The following PCBP3 variants were observed in gnomAD, a reference collection of about 807,000 sequenced individuals.
PCBP3 encodes poly(rC) binding protein 3.
A neutral mutation model predicts 52.7 loss-of-function variants in PCBP3; 25 were observed. The ratio of observed to expected loss-of-function variants is 0.47; its 90% CI spans 0.35 to 0.66. The LOEUF is 0.66. PCBP3 is among the 30% of genes least tolerant of loss of function. PCBP3 has a pLI of 0.01. For synonymous variants in PCBP3, 162 were observed against 183.0 expected (o/e 0.89, Z 0.93); for missense variants, 391 against 490.3 (o/e 0.80, Z 1.91).
At chr21:45,937,684 C>T (rs1410851508) in intron 16 of PCBP3, among the ~76,000 whole-genome samples, 2 of 152,248 alleles carry the variant, frequency 1.3e-5, no homozygotes, top group Non-Finnish European at 2.9e-5. Flanking sequence ...AGTCTGCTAA[C>T]TGCTGGCAGG....
chr21:45,804,584 C>T (rs1223027593), intron 4 of PCBP3, among the ~76,000 whole-genome samples: 1 of 152,058 alleles, frequency 6.6e-6, no homozygotes, highest in Admixed American at 6.5e-5. Flanking sequence ...CCCTGAGTGT[C>T]CCTTGGTCCA....
At chr21:45,831,571 G>A (rs547746998) in intron 4 of PCBP3, among the ~76,000 whole-genome samples, 3 of 152,282 alleles carry the variant, frequency 2.0e-5, no homozygotes, top group South Asian at 2.1e-4. Flanking sequence ...AACCTGAATT[G>A]TGCTGTATTC....
Position 45,867,393 on chromosome 21 carries a change from G to A in PCBP3, c.10+17298G>A, listed in dbSNP as rs559517648. ...CGGATGACCCGAAAGACTTCCCGATGGTAGTCACCAGCATACAGGACCTGA... is the reference window on the plus strand; with the variant it reads ...CGGATGACCCGAAAGACTTCCCGATAGTAGTCACCAGCATACAGGACCTGA... On this transcript the variant is annotated intron_variant, in intron 5 of 17. Coordinates refer to ENST00000681687, the MANE Select transcript of PCBP3 (RefSeq NM_001384156.1). 1.1e-4 allele frequency among the ~76,000 whole-genome samples: 17 copies of A among 152,348 alleles called. No homozygotes were observed. The South Asian group carries it at 1.9e-3, about 17-fold the overall frequency.
chr21:45,787,071 G>C (rs1220056390), intron 4 of PCBP3, among the ~76,000 whole-genome samples: 1 of 152,166 alleles, frequency 6.6e-6, no homozygotes, highest in Non-Finnish European at 1.5e-5. Flanking sequence ...AATAGTGCCT[G>C]CTTTTTAATC....
chr21:45,727,035 C>T (rs1179870676), intron 2 of PCBP3, among the ~76,000 whole-genome samples: 1 of 152,128 alleles, frequency 6.6e-6, no homozygotes, highest in African/African-American at 2.4e-5. Context: ...TGGTAACCTC[C>T]AACATCAGTT....
intron 2 of PCBP3, among the ~76,000 whole-genome samples, chr21:45,728,152 G>C (rs1039652177): frequency 6.6e-6 from 1 of 152,056 alleles, no homozygotes; most frequent in Non-Finnish European, 1.5e-5. Context: ...TGGAGGGTAC[G>C]GTCTAACTTT....
At chr21:45,828,756 C>T in intron 4 of PCBP3, 1 of 152,820 alleles carries the variant, frequency 6.5e-6, no homozygotes, top group Non-Finnish European at 1.5e-5. Flanking sequence ...GGGAAGTGGG[C>T]CTGGGAGAGT....
intron 2 of PCBP3, among the ~76,000 whole-genome samples, chr21:45,711,581 T>C (rs1266118982): frequency 6.6e-6 from 1 of 152,234 alleles, no homozygotes; most frequent in Admixed American, 6.5e-5. Context: ...ACTTTATCAA[T>C]TAGAGTACAG....
chr21:45,847,188 C>G (rs1398643065), intron 4 of PCBP3, among the ~76,000 whole-genome samples: 1 of 152,084 alleles, frequency 6.6e-6, no homozygotes, highest in Non-Finnish European at 1.5e-5. Context: ...TCATTGCACC[C>G]TTAGTCCCTT....
At chr21:45,794,845 C>G (rs555023138) in intron 4 of PCBP3, among the ~76,000 whole-genome samples, 1 of 151,608 alleles carries the variant, frequency 6.6e-6, no homozygotes, top group Non-Finnish European at 1.5e-5. Context: ...AGGAGAATGG[C>G]GTGAACCCGG....
chr21:45,892,535 T>C (rs1023806064), intron 5 of PCBP3, among the ~76,000 whole-genome samples: 2 of 110,532 alleles, frequency 1.8e-5, no homozygotes, highest in Non-Finnish European at 3.6e-5. Flanking sequence ...TCGCGGGGCT[T>C]CATGTACCAG....
At chr21:45,774,124 G>T (rs528537702) in intron 4 of PCBP3, among the ~76,000 whole-genome samples, 150 of 152,194 alleles carry the variant, frequency 9.9e-4, no homozygotes, top group African/African-American at 3.6e-3. Flanking sequence ...GTTTTATGGG[G>T]CCGGGCGTGG....
Position 45,709,061 on chromosome 21 carries a change from G to A in PCBP3, c.-199-26331G>A, listed in dbSNP as rs552723412. 4.0e-4 allele frequency among the ~76,000 whole-genome samples: 61 copies of A among 152,322 alleles called. No individual in the cohort carries two copies. The South Asian group carries it at 0.011, about 26-fold the overall frequency. On this transcript the variant is annotated intron_variant, in intron 2 of 17. Coordinates refer to ENST00000681687, the MANE Select transcript of PCBP3 (RefSeq NM_001384156.1). ...AAATGCTTAGCCTTTCTGGGCCTCC[G>A]TTTCCCCATTTGTAAAACAGAAACA...
chr21:45,653,161 C>T (rs541991980), intron 1 of PCBP3, among the ~76,000 whole-genome samples: 1 of 152,180 alleles, frequency 6.6e-6, no homozygotes, highest in African/African-American at 2.4e-5. Context: ...GCCTTGTAGC[C>T]CAGAATATGG....
At chr21:45,715,164 C>T (rs769888613) in intron 2 of PCBP3, among the ~76,000 whole-genome samples, 3 of 152,130 alleles carry the variant, frequency 2.0e-5, no homozygotes, top group Non-Finnish European at 4.4e-5. Context: ...AAGATATGTA[C>T]ACGTGAATGT....
At chr21:45,784,434 T>G (rs1603424178) in intron 4 of PCBP3, among the ~76,000 whole-genome samples, 1 of 128,686 alleles carries the variant, frequency 7.8e-6, no homozygotes, top group African/African-American at 3.1e-5. Context: ...ACCTCCTACC[T>G]CCTACCTCCT....
At chr21:45,806,495 C>G (rs897743253) in intron 4 of PCBP3, among the ~76,000 whole-genome samples, 1 of 151,440 alleles carries the variant, frequency 6.6e-6, no homozygotes, top group East Asian at 1.9e-4. Context: ...TTCTCTGTCC[C>G]CTTTTCTTAT....
intron 4 of PCBP3, among the ~76,000 whole-genome samples, chr21:45,835,503 C>G (rs1256628697): frequency 6.6e-6 from 1 of 152,224 alleles, no homozygotes; most frequent in Non-Finnish European, 1.5e-5. Context: ...CCTTAAGGAG[C>G]CCCTCTGCAA....
chr21:45,726,200 G>A (rs1476528360), intron 2 of PCBP3, among the ~76,000 whole-genome samples: 1 of 152,116 alleles, frequency 6.6e-6, no homozygotes, highest in Non-Finnish European at 1.5e-5. Flanking sequence ...AGGTAGGAGG[G>A]GTTAAGGATT....
Sources: gnomAD v4.1 joint callset for allele counts (sites outside exome capture counted in the v4.1 genomes callset) on GRCh38, gnomAD v4.1.1 for gene constraint, MANE v1.5 for transcripts, NCBI Gene and HGNC (gene_info 2026-07-23, HGNC 2026-07-21) for gene names.